Variants in CEP89 observed in about 807,000 individuals in gnomAD.
The protein encoded by CEP89 is centrosomal protein 89, also known as centrosomal protein of 89 kDa.
A neutral mutation model predicts 97.6 loss-of-function variants in CEP89; 95 were observed. The ratio of observed to expected loss-of-function variants is 0.97; its 90% confidence interval spans 0.82 to 1.15. The LOEUF is 1.15. Ranked by LOEUF, CEP89 falls within the 50% of genes most tolerant of loss-of-function variation. CEP89 has a pLI of 0.00. For synonymous variants in CEP89, 354 were observed against 349.1 expected (o/e 1.01, Z -0.16); for missense variants, 869 against 947.7 (o/e 0.92, Z 1.09).
Position 32,948,336 on chromosome 19 carries a change from G to T in CEP89, c.525C>A (p.Asp175Glu), listed in dbSNP as rs777300690. The change falls in exon 5 of 19, where the codon GAC becomes GAA. Residue 175 changes from aspartate (D) to glutamate (E), a missense_variant. Transcript: ENST00000305768. ...CATCTTGATGAGAAATATTTTCATC[G>T]TCTTCACTGTTCACCTCATGTAACA... is the stretch of plus-strand genomic sequence containing the variant. ...VPLLHEVNSE[D>E]DENISHQDGF... 1.2e-6 allele frequency: 2 copies of T among 1,610,644 alleles called. No individual in the cohort carries two copies. The highest frequency in any genetic ancestry group is 4.5e-5 in the East Asian group (2 of 44,848).
intron 13 of CEP89, among the ~76,000 whole-genome samples, chr19:32,915,916 CAGAAAAAAAAAAAAAAAAA>C: frequency 2.3e-5 from 1 of 43,978 alleles, no homozygotes; most frequent in South Asian, 7.4e-4. Context: ...GAGACTCTCT[CAGAAAAAAAAAAAAAAAAA>C]AAGATATTTT....
rs1319569394 is a variant in CEP89, at chr19:32,941,646, CTGGACTGCTCTCCTGCGT to C, written c.596-1779_596-1762del. On this transcript the variant is annotated intron_variant, in intron 5 of 18. Coordinates refer to ENST00000305768, the MANE Select transcript of CEP89 (RefSeq NM_032816.5). Reference sequence around the variant, plus strand: ...TTTCAGTCAAATGTCCAGGGGCAGCCTGGACTGCTCTCCTGCGTTGGACACCAGGTGAAATCCTGCCCT... The same window carrying C: ...TTTCAGTCAAATGTCCAGGGGCAGCCTGGACACCAGGTGAAATCCTGCCCT... 2.6e-3 allele frequency among the ~76,000 whole-genome samples: 390 copies of C among 152,292 alleles called. 1 individual carries two copies. The highest frequency in any genetic ancestry group is 7.8e-3 in the African/African-American group (326 of 41,576).
At chr19:32,930,751 G>A (rs1030607414) in intron 9 of CEP89, among the ~76,000 whole-genome samples, 1 of 152,136 alleles carries the variant, frequency 6.6e-6, no homozygotes, top group African/African-American at 2.4e-5. Flanking sequence ...GTGTGGAGTT[G>A]GACTCTGCAA....
intron 18 of CEP89, 112 bp from the exon 19 acceptor site, chr19:32,879,490 C>T: frequency 1.2e-6 from 1 of 841,488 alleles, no homozygotes; most frequent in Non-Finnish European, 1.9e-6. Context: ...GGGAACAGAG[C>T]CCTCGGTGCC....
intron 16 of CEP89, among the ~76,000 whole-genome samples, chr19:32,888,771 A>T (rs1357535503): frequency 6.6e-6 from 1 of 151,808 alleles, no homozygotes; most frequent in Admixed American, 6.6e-5. Context: ...TACTTGGGGA[A>T]ACTGAAAGTG....
At chr19:32,917,782 G>A in intron 13 of CEP89, 2 of 984,770 alleles carry the variant, frequency 2.0e-6, no homozygotes, top group African/African-American at 1.7e-5. Context: ...AATCTAACCT[G>A]CAGTGATGTC....
intron 14 of CEP89, among the ~76,000 whole-genome samples, chr19:32,904,200 T>C (rs1308312033): frequency 2.6e-5 from 4 of 152,192 alleles, no homozygotes; most frequent in Non-Finnish European, 4.4e-5. Flanking sequence ...TGCTAAGGCA[T>C]ATCCCAATTA....
chr19:32,926,860 C>T (rs564688186), intron 10 of CEP89, 74 bp downstream of exon 10: 8 of 1,343,264 alleles, frequency 6.0e-6, no homozygotes, highest in Non-Finnish European at 8.5e-6. Context: ...CCGCGCCTGG[C>T]CTGAAATGGT....
intron 4 of CEP89, among the ~76,000 whole-genome samples, chr19:32,952,482 TA>T (rs34775796): frequency 0.21 from 29,669 of 141,708 alleles, 2,971 homozygotes; most frequent in African/African-American, 0.24. Flanking sequence ...CATCTCAATT[TA>T]AAAAAAAAAA....
chr19:32,951,863 T>C (rs73035542), intron 4 of CEP89, among the ~76,000 whole-genome samples: 423 of 152,264 alleles, frequency 2.8e-3, no homozygotes, highest in Middle Eastern at 0.01. Context: ...GGTCACTGTA[T>C]CTCTTTCTTC....
At chr19:32,900,031 G>T (rs752702376) in intron 15 of CEP89, 33 bp from the exon 16 acceptor site, 2 of 1,610,184 alleles carry the variant, frequency 1.2e-6, no homozygotes, top group South Asian at 2.2e-5. Flanking sequence ...AGAATAAAAA[G>T]CCCATTAGTT....
chr19:32,884,845 G>A (rs982775526), intron 17 of CEP89, among the ~76,000 whole-genome samples: 1 of 151,908 alleles, frequency 6.6e-6, no homozygotes. Flanking sequence ...TTATAGGCAC[G>A]TGCCACTCTG....
Position 32,915,378 on chromosome 19 carries a change from G to C in CEP89, c.1524C>G (p.Ile508Met). 3 of 1,611,080 alleles carry C rather than the reference G, an allele frequency of 1.9e-6. No homozygotes were observed. Among genetic ancestry groups the C allele is most frequent in the East Asian group, 2.2e-5 (1 of 44,778 alleles). Reference sequence around the variant, plus strand: ...CAATTGATTTATGAACTTCCACTGCGATTTTGCCATCCGAGTGTGTTTTGA... The same window carrying C: ...CAATTGATTTATGAACTTCCACTGCCATTTTGCCATCCGAGTGTGTTTTGA... ...QELKTHSDGK[I>M]AVEVHKSIVN... The change falls in exon 14 of 19, where the codon ATC (isoleucine) becomes ATG (methionine). Residue 508 changes from isoleucine (I) to methionine (M), a missense_variant. Ile to Met is a conservative substitution (Grantham distance 10, BLOSUM62 1). Coordinates refer to ENST00000305768, the MANE Select transcript of CEP89 (RefSeq NM_032816.5).
intron 16 of CEP89, among the ~76,000 whole-genome samples, chr19:32,889,785 C>T (rs925002247): frequency 6.6e-6 from 1 of 152,120 alleles, no homozygotes; most frequent in African/African-American, 2.4e-5. Flanking sequence ...CGGGCAGGTT[C>T]CCAGGAAATC....
chr19:32,966,280 G>T, intron 2 of CEP89, 80 bp downstream of exon 2: 1 of 642,718 alleles, frequency 1.6e-6, no homozygotes, highest in South Asian at 3.4e-5. Context: ...ACTTTTCTGG[G>T]CAGTTTGAGC....
In CEP89 at chr19:32,913,309, TTTTGTTG is replaced by T. The variant is rs767326426; in HGVS notation, c.1565+2021_1565+2027del. On this transcript the variant is annotated intron_variant, in intron 14 of 18. Transcript: ENST00000305768. The stretch of plus-strand genomic sequence containing the variant: ...CCACCATATATATATATATATATTT[TTTTGTTG>T]TTGTTGTTGTTGTTGTTGTTGTTGT... 1.7e-3 allele frequency among the ~76,000 whole-genome samples: 59 copies of T among 34,632 alleles called. 1 individual carries two copies. Among genetic ancestry groups the T allele is most frequent in the Admixed American group, 2.9e-3 (5 of 1,740 alleles). 22.7% of individuals were successfully genotyped at this position (34,632 alleles called of 152,430 possible).
At chr19:32,927,454 G>C (rs1970384987) in intron 9 of CEP89, among the ~76,000 whole-genome samples, 1 of 152,036 alleles carries the variant, frequency 6.6e-6, no homozygotes, top group Non-Finnish European at 1.5e-5. Context: ...CCCATAGGCA[G>C]TGTGCCTAGA....
intron 14 of CEP89, among the ~76,000 whole-genome samples, chr19:32,910,984 A>G (rs1320703549): frequency 6.6e-6 from 1 of 152,262 alleles, no homozygotes; most frequent in Admixed American, 6.5e-5. Context: ...TAACACAGTC[A>G]TTTACTATCA....
chr19:32,943,986 G>T (rs1427466786), intron 5 of CEP89, among the ~76,000 whole-genome samples: 1 of 152,100 alleles, frequency 6.6e-6, no homozygotes, highest in Non-Finnish European at 1.5e-5. Context: ...CCAGCACTTT[G>T]GGAGGCCAAG....
Sources: gnomAD v4.1 joint callset for allele counts (sites outside exome capture counted in the v4.1 genomes callset) on GRCh38, gnomAD v4.1.1 for gene constraint, MANE v1.5 for transcripts, NCBI Gene and HGNC (gene_info 2026-07-23, HGNC 2026-07-21) for gene names.